The following COA1 variants were observed in gnomAD, a reference collection of about 807,000 sequenced individuals.
COA1 encodes cytochrome c oxidase assembly factor 1 homolog.
A neutral mutation model predicts 16.0 loss-of-function variants in COA1; 13 were observed. The ratio of observed to expected loss-of-function variants is 0.81; its 90% confidence interval spans 0.53 to 1.29. COA1 has a LOEUF of 1.29. Ranked by LOEUF, COA1 falls within the 50% of genes most tolerant of loss-of-function variation. COA1 has a pLI of 0.00. For missense variants in COA1, 179 were observed against 177.0 expected (o/e 1.01, Z -0.06); for synonymous variants, 65 against 65.7 (o/e 0.99, Z 0.05).
At chr7:43,647,958 A>G (rs1563245404) in intron 2 of COA1, 2 of 292,792 alleles carry the variant, frequency 6.8e-6, no homozygotes, top group Non-Finnish European at 1.3e-5. Context: ...CAAGCCCCGC[A>G]TGGCCAGGAA....
chr7:43,645,110 T>A (rs1262513587), intron 4 of COA1, 141 bp downstream of exon 4: 4 of 472,014 alleles, frequency 8.5e-6, no homozygotes, highest in Non-Finnish European at 1.4e-5. Context: ...ATAGAAAAAC[T>A]TTTTTTAAAG....
chr7:43,708,303 T>A (rs2095077771), intron 1 of COA1, among the ~76,000 whole-genome samples: 1 of 152,010 alleles, frequency 6.6e-6, no homozygotes, highest in Non-Finnish European at 1.5e-5. Flanking sequence ...CTACAAAAAA[T>A]AAATAAAGTT....
intron 4 of COA1, among the ~76,000 whole-genome samples, 163 bp downstream of exon 4, chr7:43,645,070 ATATATTTTATATAAACAT>A (rs2088851274): frequency 6.6e-6 from 1 of 152,058 alleles, no homozygotes; most frequent in Admixed American, 6.5e-5. Context: ...ATAATATAAA[ATATATTTTATATAAACAT>A]TAAAATCCAT....
intron 6 of COA1, among the ~76,000 whole-genome samples, chr7:43,617,686 GA>G (rs1185013558): frequency 6.6e-6 from 1 of 152,200 alleles, no homozygotes. Flanking sequence ...GCAGCTGGTT[GA>G]AGAGGTCTGA....
intron 6 of COA1, chr7:43,633,012 G>A (rs2085328750): frequency 6.6e-6 from 1 of 152,184 alleles, no homozygotes; most frequent in Non-Finnish European, 1.5e-5. Flanking sequence ...ATGAGCATTG[G>A]CTTTAACTGA....
intron 3 of COA1, chr7:43,647,294 C>A: frequency 1.8e-6 from 1 of 545,262 alleles, no homozygotes; most frequent in Non-Finnish European, 3.3e-6. Context: ...GCCCATCGTG[C>A]TTTGCTGGGC....
At chr7:43,667,312 C>T (rs911035637) in intron 1 of COA1, among the ~76,000 whole-genome samples, 6 of 152,270 alleles carry the variant, frequency 3.9e-5, no homozygotes, top group African/African-American at 1.4e-4. Flanking sequence ...GTCCCTGAAA[C>T]ATTCAGAAAA....
intron 1 of COA1, among the ~76,000 whole-genome samples, chr7:43,698,066 A>C (rs961986279): frequency 9.9e-5 from 15 of 152,252 alleles, no homozygotes; most frequent in African/African-American, 3.6e-4. Context: ...AGCTCAAATC[A>C]GTAGAAAAAT....
At chr7:43,652,962 A>G (rs1209290853) in intron 1 of COA1, among the ~76,000 whole-genome samples, 1 of 152,232 alleles carries the variant, frequency 6.6e-6, no homozygotes, top group Admixed American at 6.5e-5. Context: ...AATATAAATT[A>G]AAATGAAAAA....
At chr7:43,710,375 A>AAAAAAAAAATATATATATATATATATAT (rs761592421) in intron 1 of COA1, among the ~76,000 whole-genome samples, 1 of 36,432 alleles carries the variant, frequency 2.7e-5, no homozygotes, top group Non-Finnish European at 4.7e-5. Context: ...AAAAAAAAAA[A>AAAAAAAAAATATATATATATATATATAT]ATATATATAT....
chr7:43,664,061 A>T (rs965518192), intron 1 of COA1, among the ~76,000 whole-genome samples: 6 of 149,728 alleles, frequency 4.0e-5, no homozygotes, highest in African/African-American at 1.2e-4. Context: ...CAAAAAATAA[A>T]TTTTTTTTAA....
At chr7:43,618,276 T>A (rs12702054) in intron 6 of COA1, among the ~76,000 whole-genome samples, 22,309 of 152,140 alleles carry the variant, frequency 0.15, 2,183 homozygotes, top group Non-Finnish European at 0.21. Flanking sequence ...GAATTGGTTC[T>A]TTATTGAGAC....
chr7:43,619,677 G>C (rs777491002), intron 6 of COA1: 6 of 1,614,080 alleles, frequency 3.7e-6, no homozygotes, highest in Non-Finnish European at 5.1e-6. Flanking sequence ...GAATATTGAA[G>C]AACAGTGAAG....
intron 1 of COA1, among the ~76,000 whole-genome samples, chr7:43,676,637 T>G (rs1479631148): frequency 6.6e-6 from 1 of 152,104 alleles, no homozygotes; most frequent in African/African-American, 2.4e-5. Flanking sequence ...ATATATAGTT[T>G]CAAACAGCAA....
chr7:43,724,373 C>T (rs967781456), intron 1 of COA1, among the ~76,000 whole-genome samples: 8 of 151,802 alleles, frequency 5.3e-5, no homozygotes, highest in South Asian at 2.1e-4. Context: ...GCCAACATAG[C>T]AAAACCCTGT....
chr7:43,709,277 C>T (rs1387307336), intron 1 of COA1, among the ~76,000 whole-genome samples: 1 of 152,076 alleles, frequency 6.6e-6, no homozygotes, highest in African/African-American at 2.4e-5. Flanking sequence ...CCACCTGCCT[C>T]GGCCTCCCAA....
chr7:43,672,338 A>G (rs1010723360), intron 1 of COA1, among the ~76,000 whole-genome samples: 27 of 152,272 alleles, frequency 1.8e-4, no homozygotes, highest in African/African-American at 6.5e-4. Flanking sequence ...AGTAGGCTTT[A>G]TTCCTGGGAT....
chr7:43,631,499 T>TA (rs1433449018), intron 6 of COA1: 2 of 152,454 alleles, frequency 1.3e-5, no homozygotes, highest in Admixed American at 1.3e-4. Flanking sequence ...GTGCTGGGAT[T>TA]ACAGGTGTGA....
chr7:43,619,583 G>A (rs6950861), intron 6 of COA1: 356,175 of 1,608,862 alleles, frequency 0.22, 41,086 homozygotes, highest in East Asian at 0.31. Context: ...TTGCGGGGGT[G>A]TATTTTCTTT....
Sources: allele counts gnomAD v4.1 joint callset (sites outside exome capture counted in the v4.1 genomes callset), GRCh38; gene constraint gnomAD v4.1.1; transcripts MANE v1.5; gene names NCBI Gene and HGNC (gene_info 2026-07-23, HGNC 2026-07-21).